CMTM4: variants seen among roughly 807,000 people sequenced by gnomAD.
CMTM4 encodes the protein CKLF-like MARVEL transmembrane domain-containing protein 4.
CMTM4 carries 8 observed loss-of-function variants against 19.0 expected under a neutral mutation model. The ratio of observed to expected loss-of-function variants is 0.42; its 90% CI spans 0.25 to 0.76. The LOEUF (loss-of-function observed/expected upper bound fraction) is 0.76. CMTM4 is among the 30% of genes least tolerant of loss of function. The pLI is 0.27. For missense variants in CMTM4, 228 were observed against 290.2 expected, an observed-to-expected ratio of 0.79 and a Z score of 1.56; for synonymous variants, 106 against 121.1, an observed-to-expected ratio of 0.88 and a Z score of 0.82.
At chr16:66,649,464 A>ATCTC (rs2091894757) in intron 1 of CMTM4, among the ~76,000 whole-genome samples, 1 of 138,510 alleles carries the variant, frequency 7.2e-6, no homozygotes, top group Admixed American at 7.3e-5. Context: ...CTATCCATCT[A>ATCTC]TCTATCTATC....
Position 66,617,978 on chromosome 16 carries a change from G to A in CMTM4, c.*4080C>T, listed in dbSNP as rs979765197. ...CAGCCTGAGCTGTCTAGTGCTGATA[G>A]CAGACAGGTGGGGTGTTCCAGGCCA... On this transcript the variant is annotated 3_prime_UTR_variant, in exon 4 of 4. Transcript: ENST00000394106. 14 of 985,804 alleles carry A rather than the reference G, an allele frequency of 1.4e-5. No homozygotes were observed. Among genetic ancestry groups the A allele is most frequent in the Non-Finnish European group, 1.7e-5 (14 of 830,212 alleles). 61.1% of individuals were successfully genotyped at this position (985,804 alleles called of 1,614,324 possible). A position where few individuals can be genotyped will look rare whatever the true frequency, so the allele number is the denominator to read the frequency against.
intron 1 of CMTM4, among the ~76,000 whole-genome samples, chr16:66,672,471 TTATA>T (rs941000467): frequency 8.0e-5 from 12 of 149,588 alleles, no homozygotes; most frequent in Non-Finnish European, 3.0e-5. Context: ...TTGCAACAAC[TTATA>T]TATATATAAT....
intron 1 of CMTM4, among the ~76,000 whole-genome samples, chr16:66,645,501 C>T (rs60618151): frequency 0.044 from 6,574 of 150,470 alleles, 270 homozygotes; most frequent in East Asian, 0.16. Context: ...TGCTTGAACC[C>T]GGGAGGCAGA....
the CMTM4 span, among the ~76,000 whole-genome samples, chr16:66,598,585 C>T: frequency 1.3e-5 from 2 of 152,024 alleles, no homozygotes; most frequent in Non-Finnish European, 2.9e-5. Flanking sequence ...CTGCCCCCAC[C>T]GCAGGCAACC....
chr16:66,694,018 T>C (rs1026752796), intron 1 of CMTM4, among the ~76,000 whole-genome samples: 3 of 150,824 alleles, frequency 2.0e-5, no homozygotes, highest in Non-Finnish European at 2.9e-5. Flanking sequence ...TTAGACCCAG[T>C]GTTTAAAAAA....
intron 2 of CMTM4, among the ~76,000 whole-genome samples, chr16:66,629,532 TAATCA>T (rs921435940): frequency 6.6e-6 from 1 of 152,196 alleles, no homozygotes; most frequent in Non-Finnish European, 1.5e-5. Context: ...GAAAAATATT[TAATCA>T]AATCCTTGAA....
the CMTM4 span, chr16:66,609,651 A>G: frequency 3.3e-6 from 5 of 1,521,792 alleles, no homozygotes; most frequent in South Asian, 6.0e-5. This position sits in a 1 kb window ranked among gnomAD's most constrained non-coding sequence, Gnocchi z 4.4. Flanking sequence ...GTGGGTCCCG[A>G]TGATGATTCC....
At position 66,620,813 on chromosome 16, in the gene CMTM4, G is replaced by C. The variant is rs897815939; in HGVS notation, c.*1245C>G. 42 of 985,130 alleles carry C rather than the reference G, an allele frequency of 4.3e-5. No homozygotes were observed. The highest frequency in any genetic ancestry group is 4.9e-5 in the Non-Finnish European group (41 of 829,600). 61.0% of individuals were successfully genotyped at this position (985,130 alleles called of 1,614,324 possible). A position where few individuals can be genotyped will look rare whatever the true frequency, so the allele number is the denominator to read the frequency against. On this transcript the variant is annotated 3_prime_UTR_variant, in exon 4 of 4. Coordinates refer to ENST00000394106, the MANE Select transcript of CMTM4 (RefSeq NM_181521.3). ...ACTAAAACAACTTTTTTCCATAAAA[G>C]ATATAATTACTCTCTAATTTTTTAA...
chr16:66,617,436 G>A lies in CMTM4; in HGVS notation c.*4622C>T, dbSNP rs2015547622. ...AAGAATATATTCCAGACAAAAGAAG[G>A]GAAAATACAATAGGACCCACTCCGC... is the stretch of plus-strand genomic sequence containing the variant. On this transcript the variant is annotated 3_prime_UTR_variant, in exon 4 of 4. Coordinates refer to ENST00000394106, the MANE Select transcript of CMTM4 (RefSeq NM_181521.3). 5.8e-6 allele frequency: 9 copies of A among 1,543,626 alleles called. No homozygotes were observed. In the South Asian group the frequency reaches 6.0e-5, roughly 10 times the overall value.
chr16:66,606,756 G>A, the CMTM4 span, among the ~76,000 whole-genome samples: 1 of 152,208 alleles, frequency 6.6e-6, no homozygotes, highest in Admixed American at 6.5e-5. Context: ...ACTTTAGGAG[G>A]CCGAGGTGGG....
chr16:66,658,231 AGGAGGGAAGGAG>A (rs936835782), intron 1 of CMTM4, among the ~76,000 whole-genome samples: 1 of 111,526 alleles, frequency 9.0e-6, no homozygotes, highest in Non-Finnish European at 1.7e-5. Flanking sequence ...GAGGGAGGGA[AGGAGGGAAGGAG>A]GGAGGGAAGG....
chr16:66,683,182 T>TAC (rs1419004205), intron 1 of CMTM4, among the ~76,000 whole-genome samples: 4 of 85,702 alleles, frequency 4.7e-5, no homozygotes, highest in Non-Finnish European at 9.9e-5. Context: ...TATACATATG[T>TAC]ATATATATAT....
At position 66,616,015 on chromosome 16, in the gene CMTM4, A is replaced by G. The variant is rs1221163819; in HGVS notation, c.*6043T>C. Reference sequence around the variant, plus strand: ...GCAGCAGCAGAGAGGAAAGAGGAATAGCCAGGGAATTTTTTTTGTTTTTTT... The same window carrying G: ...GCAGCAGCAGAGAGGAAAGAGGAATGGCCAGGGAATTTTTTTTGTTTTTTT... On this transcript the variant is annotated 3_prime_UTR_variant, in exon 4 of 4. Coordinates refer to ENST00000394106, the MANE Select transcript of CMTM4 (RefSeq NM_181521.3). 6.6e-6 allele frequency: 1 copy of G among 151,786 alleles called. No homozygotes were observed. Among genetic ancestry groups the G allele is most frequent in the Non-Finnish European group, 1.5e-5 (1 of 67,984 alleles). The allele number at this position is 151,786 out of a possible 1,614,324, so 9.4% of individuals were successfully genotyped here.
Position 66,615,975 on chromosome 16 carries a change from C to A in CMTM4, c.*6083G>T, listed in dbSNP as rs2015519556. ...CTCAGACTATTTAAATAAGCAGGAACAAGATGCAGGAGAAGCAGCAGCAGA... is the reference window on the plus strand; with the variant it reads ...CTCAGACTATTTAAATAAGCAGGAAAAAGATGCAGGAGAAGCAGCAGCAGA... On this transcript the variant is annotated 3_prime_UTR_variant, in exon 4 of 4. Coordinates refer to ENST00000394106, the MANE Select transcript of CMTM4 (RefSeq NM_181521.3). This position sits in a 1 kb window ranked among gnomAD's most constrained non-coding sequence, Gnocchi z 4.9. 6.6e-6 allele frequency: 1 copy of A among 152,088 alleles called. No homozygotes were observed. Among genetic ancestry groups the A allele is most frequent in the African/African-American group, 2.4e-5 (1 of 41,400 alleles). 9.4% of individuals were successfully genotyped at this position (152,088 alleles called of 1,614,324 possible). A position where few individuals can be genotyped will look rare whatever the true frequency, so the allele number is the denominator to read the frequency against.
Position 66,621,447 on chromosome 16 carries a change from A to AT in CMTM4, c.*610dup. On this transcript the variant is annotated 3_prime_UTR_variant, in exon 4 of 4. Coordinates refer to ENST00000394106, the MANE Select transcript of CMTM4 (RefSeq NM_181521.3). ...GATTCATTTGAGGAAGAATCAAGTG[A>AT]TTTCTCAGCAGAGTAGGAAACAAAA... 2.0e-6 allele frequency: 2 copies of AT among 985,938 alleles called. No individual in the cohort carries two copies. The highest frequency in any genetic ancestry group is 2.4e-6 in the Non-Finnish European group (2 of 829,956). 61.1% of individuals were successfully genotyped at this position (985,938 alleles called of 1,614,324 possible).
At chr16:66,643,441 C>G (rs1044044445) in intron 1 of CMTM4, among the ~76,000 whole-genome samples, 1 of 152,138 alleles carries the variant, frequency 6.6e-6, no homozygotes, top group African/African-American at 2.4e-5. Context: ...TGATGACCAA[C>G]TAGAAATATG....
intron 1 of CMTM4, among the ~76,000 whole-genome samples, chr16:66,688,715 A>G (rs181983857): frequency 1.9e-4 from 29 of 152,314 alleles, no homozygotes; most frequent in Admixed American, 3.3e-4. Flanking sequence ...TATTAAACCT[A>G]TAGATCATTT....
intron 2 of CMTM4, among the ~76,000 whole-genome samples, chr16:66,628,914 C>T (rs556750104): frequency 6.6e-5 from 10 of 152,144 alleles, no homozygotes; most frequent in South Asian, 2.1e-4. Flanking sequence ...TAGCTATGAA[C>T]CTACAAGCTT....
intron 1 of CMTM4, among the ~76,000 whole-genome samples, chr16:66,646,683 T>TA (rs1168518340): frequency 6.6e-6 from 1 of 151,950 alleles, no homozygotes; most frequent in Non-Finnish European, 1.5e-5. Context: ...AACCAATCCT[T>TA]ACTTGTTTTG....
Sources: gnomAD v4.1 joint callset for allele counts (sites outside exome capture counted in the v4.1 genomes callset) on GRCh38, gnomAD v4.1.1 for gene constraint, Gnocchi (gnomAD v3.1) non-coding constraint, MANE v1.5 for transcripts, NCBI Gene and HGNC (gene_info 2026-07-23, HGNC 2026-07-21) for gene names.